RDX: variants seen among roughly 807,000 people sequenced by gnomAD.
The protein encoded by RDX is radixin.
RDX carries 32 observed loss-of-function variants against 83.7 expected under a neutral mutation model. That is an observed-to-expected ratio of 0.38 (90% confidence interval 0.29 to 0.51). The LOEUF is 0.51. RDX is among the 20% of genes least tolerant of loss of function. The pLI is 0.87. For synonymous variants in RDX, 229 were observed against 222.7 expected, an observed-to-expected ratio of 1.03 and a Z score of -0.25; for missense variants, 600 against 689.9, an observed-to-expected ratio of 0.87 and a Z score of 1.46.
chr11:110,202,888 T>TA (rs1565288799), intron 14 of RDX, among the ~76,000 whole-genome samples: 1 of 152,054 alleles, frequency 6.6e-6, no homozygotes, highest in Non-Finnish European at 1.5e-5. Flanking sequence ...TAATAACAAA[T>TA]GCTGGTGAGG....
chr11:110,223,015 A>G (rs1449258359), intron 14 of RDX, among the ~76,000 whole-genome samples: 1 of 152,200 alleles, frequency 6.6e-6, no homozygotes, highest in Middle Eastern at 3.2e-3. Flanking sequence ...TTTACATACA[A>G]TGAACGATTA....
At chr11:110,191,619 G>A (rs1863105013) in intron 15 of RDX, among the ~76,000 whole-genome samples, 2 of 152,210 alleles carry the variant, frequency 1.3e-5, no homozygotes, top group South Asian at 4.1e-4. Flanking sequence ...ACTTTGGGAG[G>A]CCAAGGCAGG....
In RDX at chr11:110,233,383, G is replaced by A; in HGVS notation, c.1441C>T (p.Pro481Ser). The change falls in exon 13 of 14, where the codon CCA (proline) becomes TCA (serine). Residue 481 changes from proline to serine, a missense_variant. Physicochemically the swap from Pro to Ser is moderately conservative, Grantham distance 74 (BLOSUM62 -1). Coordinates refer to ENST00000645495, the MANE Select transcript of RDX (RefSeq NM_002906.4). ...TGTTCATCATGTTCGTTTTCTGTTG[G>A]AGGAATGACTGGTGGTGGTGGAGGT... ...PPPPPPPVIP[P>S]TENEHDEHDE... 6.2e-7 allele frequency: 1 copy of A among 1,614,108 alleles called. No homozygotes were observed. Among genetic ancestry groups the A allele is most frequent in the Non-Finnish European group, 8.5e-7 (1 of 1,180,016 alleles).
At chr11:110,179,903 CTT>C (rs528601645) in intron 15 of RDX, 4,961 of 356,458 alleles carry the variant, frequency 0.014, 17 homozygotes, top group African/African-American at 0.037. Flanking sequence ...TTTCTTTTTT[CTT>C]TTTTTTTTTT....
intron 3 of RDX, among the ~76,000 whole-genome samples, chr11:110,270,605 T>C (rs1002925847): frequency 5.3e-5 from 8 of 152,198 alleles, no homozygotes; most frequent in East Asian, 1.9e-4. Flanking sequence ...GTTACCATCA[T>C]CCTAATTGTA....
chr11:110,219,379 G>C (rs1864168776), intron 14 of RDX, among the ~76,000 whole-genome samples: 1 of 152,180 alleles, frequency 6.6e-6, no homozygotes, highest in South Asian at 2.1e-4. Context: ...AAAGAACATG[G>C]CTTTTACTCA....
chr11:110,292,716 T>C (rs575978342), intron 1 of RDX, among the ~76,000 whole-genome samples: 29 of 152,002 alleles, frequency 1.9e-4, no homozygotes, highest in Non-Finnish European at 3.5e-4. Context: ...AAGAAAACAG[T>C]CCATTATCTC....
At chr11:110,253,801 CAG>C (rs1273442375) in intron 9 of RDX, 143 bp downstream of exon 9, 3 of 726,046 alleles carry the variant, frequency 4.1e-6, no homozygotes, top group South Asian at 3.5e-5. Flanking sequence ...TTTTAAAGGA[CAG>C]AGTGATAATA....
At chr11:110,236,255 A>G (rs1373685889) in intron 11 of RDX, 64 bp from the exon 12 acceptor site, 5 of 1,296,472 alleles carry the variant, frequency 3.9e-6, no homozygotes, top group Admixed American at 1.7e-5. Context: ...ATAAGTCAAC[A>G]AAGTTTTAAT....
intron 14 of RDX, among the ~76,000 whole-genome samples, chr11:110,205,905 G>A (rs1052448956): frequency 6.6e-6 from 1 of 152,122 alleles, no homozygotes; most frequent in African/African-American, 2.4e-5. Flanking sequence ...TAGAAAACAT[G>A]AATAGAAGAC....
intron 15 of RDX, among the ~76,000 whole-genome samples, chr11:110,193,941 C>T (rs1863151932): frequency 1.3e-5 from 2 of 152,224 alleles, no homozygotes; most frequent in South Asian, 2.1e-4. Flanking sequence ...TTTATAATAA[C>T]GTCCCTTCAT....
At chr11:110,247,092 A>T (rs1446444198) in intron 10 of RDX, among the ~76,000 whole-genome samples, 1 of 152,230 alleles carries the variant, frequency 6.6e-6, no homozygotes, top group Non-Finnish European at 1.5e-5. Context: ...TACTTAATAT[A>T]AACCACATAT....
intron 15 of RDX, among the ~76,000 whole-genome samples, chr11:110,183,055 A>C (rs1057188431): frequency 6.6e-6 from 1 of 152,220 alleles, no homozygotes; most frequent in African/African-American, 2.4e-5. Context: ...CACAGGAGTC[A>C]GCCCACTGTG....
At chr11:110,191,643 G>A (rs1863105508) in intron 15 of RDX, among the ~76,000 whole-genome samples, 1 of 152,348 alleles carries the variant, frequency 6.6e-6, no homozygotes, top group Middle Eastern at 3.4e-3. Context: ...ATCACCTGAG[G>A]TCATGAGTTC....
chr11:110,216,211 C>A (rs552426811), intron 14 of RDX, among the ~76,000 whole-genome samples: 1 of 152,136 alleles, frequency 6.6e-6, no homozygotes, highest in Non-Finnish European at 1.5e-5. Context: ...CTGGACATAC[C>A]GCCTTTCTGT....
Position 110,264,114 on chromosome 11 carries a change from G to A in RDX, c.313C>T (p.Gln105Ter), listed in dbSNP as rs758609386. ...TCATTTAAGATGGCTTCTTTAACTT[G>A]CAAGAAGAAGAGTCTCTGGGTTATT... ...QEITQRLFFL[Q>*]VKEAILNDEI... The change falls in exon 5 of 14, where the codon CAA (glutamine) becomes TAA (stop). Residue 105 changes from glutamine (Q) to a stop codon, truncating the protein, a stop_gained. Transcript: ENST00000645495. LOFTEE classifies it high-confidence loss of function. 1 of 1,613,540 alleles carries A rather than the reference G, an allele frequency of 6.2e-7. No individual in the cohort carries two copies. The highest frequency in any genetic ancestry group is 8.5e-7 in the Non-Finnish European group (1 of 1,179,678).
intron 5 of RDX, chr11:110,263,422 A>T (rs953068015): frequency 2.0e-5 from 3 of 152,328 alleles, no homozygotes; most frequent in African/African-American, 7.2e-5. Flanking sequence ...CACTGCCTCC[A>T]TTTATTGCTT....
In RDX at chr11:110,264,764, T is replaced by C. The variant is rs779520640; in HGVS notation, c.192+15A>G. ...TAACATAATTATTAGTTTAATGTTA[T>C]CGTACATATTTTACCTTTTTATTTA... is the stretch of plus-strand genomic sequence containing the variant. On this transcript the variant is annotated intron_variant, in intron 4 of 13. Coordinates refer to ENST00000645495, the MANE Select transcript of RDX (RefSeq NM_002906.4). 6 of 1,521,192 alleles carry C rather than the reference T, an allele frequency of 3.9e-6. No individual in the cohort carries two copies. Among genetic ancestry groups the C allele is most frequent in the Non-Finnish European group, 4.6e-6 (5 of 1,098,206 alleles). 94.2% of individuals were successfully genotyped at this position (1,521,192 alleles called of 1,614,324 possible).
At chr11:110,253,559 G>A (rs1280865951) in intron 9 of RDX, among the ~76,000 whole-genome samples, 4 of 152,098 alleles carry the variant, frequency 2.6e-5, no homozygotes, top group Non-Finnish European at 4.4e-5. Flanking sequence ...GCACAGTGAC[G>A]TTTCAGTTGT....
Sources: gnomAD v4.1 joint callset for allele counts (sites outside exome capture counted in the v4.1 genomes callset) on GRCh38, gnomAD v4.1.1 for gene constraint, MANE v1.5 for transcripts, NCBI Gene and HGNC (gene_info 2026-07-23, HGNC 2026-07-21) for gene names.